Variants in RBFOX1 observed in about 807,000 individuals in gnomAD.
RBFOX1 encodes the protein RNA binding protein fox-1 homolog 1.
A neutral mutation model predicts 57.7 loss-of-function variants in RBFOX1; 8 were observed. That is an observed-to-expected ratio of 0.14 (90% CI 0.08 to 0.25). The LOEUF is 0.25. RBFOX1 is among the 10% of genes least tolerant of loss of function. The probability of loss-of-function intolerance (pLI) is 1.00; values close to 1 mark genes in which losing one functional copy is unlikely to be tolerated. For synonymous variants in RBFOX1, 326 were observed against 222.4 expected (o/e 1.47, Z -4.15); for missense variants, 611 against 548.5 (o/e 1.11, Z -1.14).
intron 4 of RBFOX1, among the ~76,000 whole-genome samples, chr16:7,306,163 GTT>G (rs1251300335): frequency 6.6e-6 from 1 of 152,004 alleles, no homozygotes; most frequent in East Asian, 1.9e-4. Flanking sequence ...GTGTGGTGGT[GTT>G]TGTGTTTTTT....
In RBFOX1 at chr16:6,687,470, ATTAAAC is replaced by A. The variant is rs200212131; in HGVS notation, c.-16+32826_-16+32831del. ...AAAATATGTAAAGTTAAGTTAAATA[ATTAAAC>A]TTAAAAGTGGTGATCTCTGCTAGTC... On this transcript the variant is annotated intron_variant, in intron 3 of 15. Coordinates refer to ENST00000550418, the MANE Select transcript of RBFOX1 (RefSeq NM_018723.4). Among the ~76,000 whole-genome samples the A allele has an allele frequency of 2.3e-4, 35 of 152,336 alleles. No homozygotes were observed. In the East Asian group the frequency reaches 3.9e-3, roughly 17 times the overall value.
intron 3 of RBFOX1, among the ~76,000 whole-genome samples, chr16:5,699,203 G>C (rs909310288): frequency 6.6e-6 from 1 of 151,942 alleles, no homozygotes; most frequent in South Asian, 2.1e-4. Context: ...GGCCAGGCTG[G>C]TCTTGAATTC....
At chr16:6,932,779 GCA>G (rs1373342524) in intron 3 of RBFOX1, among the ~76,000 whole-genome samples, 1 of 152,194 alleles carries the variant, frequency 6.6e-6, no homozygotes, top group African/African-American at 2.4e-5. Flanking sequence ...ACTTTTTATT[GCA>G]CAGTTTGGAG....
chr16:7,444,994 C>T (rs2098797314), intron 4 of RBFOX1, among the ~76,000 whole-genome samples: 1 of 151,568 alleles, frequency 6.6e-6, no homozygotes, highest in Non-Finnish European at 1.5e-5. Flanking sequence ...ATTGCTGAGC[C>T]TGACTTTGAA....
chr16:7,285,905 G>T (rs2095642082), intron 4 of RBFOX1, among the ~76,000 whole-genome samples: 1 of 152,202 alleles, frequency 6.6e-6, no homozygotes, highest in South Asian at 2.1e-4. Flanking sequence ...GCTCAAGAAA[G>T]AACATGCTGG....
chr16:7,679,030 T>C (rs2146573581), intron 14 of RBFOX1, among the ~76,000 whole-genome samples: 1 of 152,344 alleles, frequency 6.6e-6, no homozygotes, highest in South Asian at 2.1e-4. Context: ...AATTGATAAC[T>C]ATTCCTATTT....
At chr16:7,654,338 T>C (rs2065808217) in intron 12 of RBFOX1, among the ~76,000 whole-genome samples, 1 of 152,158 alleles carries the variant, frequency 6.6e-6, no homozygotes, top group African/African-American at 2.4e-5. Context: ...GAGGTTTTCA[T>C]ACATAAAAAT....
chr16:5,724,004 A>T (rs531918548), intron 3 of RBFOX1, among the ~76,000 whole-genome samples: 3 of 133,290 alleles, frequency 2.3e-5, no homozygotes, highest in East Asian at 5.7e-4. Context: ...GTGTCGGTGT[A>T]TAGCTCCCTA....
At chr16:6,140,669 G>T (rs2096708969) in intron 1 of RBFOX1, among the ~76,000 whole-genome samples, 1 of 152,116 alleles carries the variant, frequency 6.6e-6, no homozygotes, top group Admixed American at 6.5e-5. Flanking sequence ...TGTGTAACTT[G>T]GATCTCTTAC....
chr16:5,875,921 G>C (rs2057597503), intron 4 of RBFOX1, among the ~76,000 whole-genome samples: 1 of 151,014 alleles, frequency 6.6e-6, no homozygotes, highest in African/African-American at 2.4e-5. Context: ...TGGGCTCACT[G>C]CAAGCCCCGC....
intron 2 of RBFOX1, among the ~76,000 whole-genome samples, chr16:6,352,274 G>T (rs763373521): frequency 6.6e-6 from 1 of 152,110 alleles, no homozygotes; most frequent in African/African-American, 2.4e-5. Context: ...ATGCTATTTA[G>T]GCAGGGGGGT....
At chr16:7,547,717 G>T (rs1365117752) in intron 5 of RBFOX1, among the ~76,000 whole-genome samples, 1 of 152,176 alleles carries the variant, frequency 6.6e-6, no homozygotes, top group Non-Finnish European at 1.5e-5. Flanking sequence ...TGCAACTCAG[G>T]CACCTTGCTC....
intron 4 of RBFOX1, among the ~76,000 whole-genome samples, chr16:6,007,839 C>T (rs747998322): frequency 4.0e-5 from 6 of 151,876 alleles, no homozygotes; most frequent in South Asian, 2.1e-4. Flanking sequence ...ATCTAGCAGC[C>T]GTGGGGACAT....
At chr16:7,193,743 C>G (rs1018398797) in intron 4 of RBFOX1, among the ~76,000 whole-genome samples, 1 of 152,174 alleles carries the variant, frequency 6.6e-6, no homozygotes, top group Admixed American at 6.5e-5. Context: ...TCTGCACCAG[C>G]AACCATGGTA....
intron 3 of RBFOX1, among the ~76,000 whole-genome samples, chr16:5,777,716 G>C (rs1019347371): frequency 2.6e-5 from 4 of 152,124 alleles, no homozygotes; most frequent in Admixed American, 6.5e-5. Context: ...ATCACACAGG[G>C]AAACACACAA....
At chr16:5,406,806 G>A (rs965799409) in intron 1 of RBFOX1, among the ~76,000 whole-genome samples, 3 of 152,284 alleles carry the variant, frequency 2.0e-5, no homozygotes, top group African/African-American at 7.2e-5. Context: ...ATACAATTCA[G>A]TAGAGGGGAG....
intron 1 of RBFOX1, among the ~76,000 whole-genome samples, chr16:5,382,751 A>G (rs2066161569): frequency 1.3e-5 from 2 of 152,230 alleles, no homozygotes; most frequent in South Asian, 4.1e-4. Context: ...TTTATGTTTA[A>G]GGAAATTAAA....
At chr16:5,454,791 C>A (rs1035683166) in intron 1 of RBFOX1, among the ~76,000 whole-genome samples, 1 of 137,768 alleles carries the variant, frequency 7.3e-6, no homozygotes, top group Non-Finnish European at 1.6e-5. Context: ...CTTTCTTTCT[C>A]TTTCTTTCTT....
chr16:7,688,221 ATGTGTGTGTGTGTGTGTGTG>A lies in RBFOX1; in HGVS notation c.995+11404_995+11423del, dbSNP rs3029191. Among the ~76,000 whole-genome samples the A allele has an allele frequency of 1.2e-4, 15 of 121,012 alleles. 1 individual carries two copies. In the East Asian group the frequency reaches 2.4e-3, roughly 19 times the overall value. The allele number at this position is 121,012 out of a possible 152,430, so 79.4% of individuals were successfully genotyped here. A position where few individuals can be genotyped will look rare whatever the true frequency, so the allele number is the denominator to read the frequency against. On this transcript the variant is annotated intron_variant, in intron 14 of 15. Transcript: ENST00000550418. The stretch of plus-strand genomic sequence containing the variant: ...TAGTAGGCATCCTTGGCAGGTTTAA[ATGTGTGTGTGTGTGTGTGTG>A]TGTGTGTGTGTGTGTGTGTGAGAGA...
Sources: allele counts gnomAD v4.1 joint callset (sites outside exome capture counted in the v4.1 genomes callset), GRCh38; gene constraint gnomAD v4.1.1; transcripts MANE v1.5; gene names NCBI Gene and HGNC (gene_info 2026-07-23, HGNC 2026-07-21).